Variants in FAM3B observed in about 807,000 individuals in gnomAD.
FAM3B encodes the protein protein FAM3B.
A neutral mutation model predicts 28.4 loss-of-function variants in FAM3B; 29 were observed. That is an observed-to-expected ratio of 1.02 (90% CI 0.76 to 1.39). The LOEUF (loss-of-function observed/expected upper bound fraction) is 1.39, where lower values mean the gene tolerates loss of function less well. Ranked by LOEUF, FAM3B falls within the 40% of genes most tolerant of loss-of-function variation. The pLI is 0.00. For synonymous variants in FAM3B, 91 were observed against 103.0 expected, an observed-to-expected ratio of 0.88 and a Z score of 0.71; for missense variants, 266 against 293.9, an observed-to-expected ratio of 0.91 and a Z score of 0.69.
At chr21:41,336,246 G>A (rs1568918124) in intron 2 of FAM3B, among the ~76,000 whole-genome samples, 1 of 152,198 alleles carries the variant, frequency 6.6e-6, no homozygotes, top group Non-Finnish European at 1.5e-5. Context: ...AATAGGCCAG[G>A]CATGGGGGCT....
chr21:41,329,887 A>G lies in FAM3B; in HGVS notation c.163+6821A>G, dbSNP rs117684113. On this transcript the variant is annotated intron_variant, in intron 2 of 7. Coordinates refer to ENST00000357985, the MANE Select transcript of FAM3B (RefSeq NM_058186.4). Reference sequence around the variant, plus strand: ...GCCCAGCTAGAAAGTGCTTTCTTTAAGTGAAAAGGTGAAAGCTCTTGATTT... The same window carrying G: ...GCCCAGCTAGAAAGTGCTTTCTTTAGGTGAAAAGGTGAAAGCTCTTGATTT... 7.5e-4 allele frequency among the ~76,000 whole-genome samples: 114 copies of G among 152,294 alleles called. 1 individual carries two copies. The East Asian group carries it at 0.018, about 24-fold the overall frequency.
At chr21:41,321,339 GCACCCTCTAGGCA>G (rs2088802646) in intron 1 of FAM3B, among the ~76,000 whole-genome samples, 2 of 152,178 alleles carry the variant, frequency 1.3e-5, no homozygotes, top group African/African-American at 4.8e-5. Flanking sequence ...GTAGGGGAGA[GCACCCTCTAGGCA>G]GAGATCACTC....
In FAM3B at chr21:41,336,769, T is replaced by TAC. The variant is rs150009358; in HGVS notation, c.164-1599_164-1598dup. 3.9e-5 allele frequency among the ~76,000 whole-genome samples: 6 copies of TAC among 152,318 alleles called. No individual in the cohort carries two copies. The East Asian group carries it at 9.6e-4, about 24-fold the overall frequency. ...GGTGCTCTGATGTTTGGTGCATACA[T>TAC]ACACACACACAATTGTTATGTCTTC... On this transcript the variant is annotated intron_variant, in intron 2 of 7. Coordinates refer to ENST00000357985, the MANE Select transcript of FAM3B (RefSeq NM_058186.4).
chr21:41,324,162 G>A (rs1203650347), intron 2 of FAM3B, among the ~76,000 whole-genome samples: 1 of 152,166 alleles, frequency 6.6e-6, no homozygotes, highest in East Asian at 1.9e-4. Context: ...GACACATTCA[G>A]TCCACAGCAC....
At chr21:41,335,706 G>A (rs1018420466) in intron 2 of FAM3B, among the ~76,000 whole-genome samples, 2 of 152,152 alleles carry the variant, frequency 1.3e-5, no homozygotes, top group African/African-American at 4.8e-5. Flanking sequence ...TGGGATAGCG[G>A]CCTAATATAC....
upstream of FAM3B, among the ~76,000 whole-genome samples, chr21:41,312,240 T>G (rs1454513282): frequency 6.6e-6 from 1 of 152,228 alleles, no homozygotes; most frequent in African/African-American, 2.4e-5. Context: ...AATTAATTGC[T>G]CTATCTGGCA....
At chr21:41,337,721 G>A (rs907650268) in intron 2 of FAM3B, among the ~76,000 whole-genome samples, 1 of 151,722 alleles carries the variant, frequency 6.6e-6, no homozygotes, top group African/African-American at 2.4e-5. Flanking sequence ...TATATGGTAT[G>A]GTGTGCATGC....
At chr21:41,341,621 C>A (rs747663368) in intron 3 of FAM3B, among the ~76,000 whole-genome samples, 9 of 152,246 alleles carry the variant, frequency 5.9e-5, no homozygotes, top group Non-Finnish European at 1.2e-4. Flanking sequence ...ACCAAATACT[C>A]TTTTGTGTCT....
chr21:41,336,974 G>A (rs762974605), intron 2 of FAM3B, among the ~76,000 whole-genome samples: 12 of 151,884 alleles, frequency 7.9e-5, no homozygotes, highest in Admixed American at 1.3e-4. Context: ...TAAATCTGTC[G>A]AGCTCATCTG....
At chr21:41,332,302 G>A (rs982881385) in intron 2 of FAM3B, among the ~76,000 whole-genome samples, 1 of 152,158 alleles carries the variant, frequency 6.6e-6, no homozygotes, top group African/African-American at 2.4e-5. Context: ...AGGACCATGA[G>A]CCAATTAAAC....
chr21:41,348,585 C>G lies in FAM3B; in HGVS notation c.486-7C>G. On this transcript the variant is annotated splice_region_variant and splice_polypyrimidine_tract_variant and intron_variant, in intron 6 of 7. Coordinates refer to ENST00000357985, the MANE Select transcript of FAM3B (RefSeq NM_058186.4). The stretch of plus-strand genomic sequence containing the variant: ...GATGCTCACATGCTTTTCCCTTTGT[C>G]CTGCAGACTGAATAACGATGCCAAG... The G allele has an allele frequency of 3.7e-6, 6 of 1,614,166 alleles. No individual in the cohort carries two copies. Among genetic ancestry groups the G allele is most frequent in the East Asian group, 2.2e-5 (1 of 44,882 alleles).
chr21:41,353,359 G>A (rs2089138251), intron 7 of FAM3B, among the ~76,000 whole-genome samples: 1 of 152,132 alleles, frequency 6.6e-6, no homozygotes, highest in Non-Finnish European at 1.5e-5. Flanking sequence ...AAACAGTCTT[G>A]AAAAAGAACA....
chr21:41,356,542 T>C (rs1298222942), intron 7 of FAM3B, among the ~76,000 whole-genome samples: 1 of 152,188 alleles, frequency 6.6e-6, no homozygotes, highest in Non-Finnish European at 1.5e-5. Context: ...TTTGCACCAT[T>C]GTAAAGTTAA....
chr21:41,331,512 A>T (rs920873981), intron 2 of FAM3B, among the ~76,000 whole-genome samples: 7 of 152,152 alleles, frequency 4.6e-5, no homozygotes, highest in Admixed American at 3.3e-4. Flanking sequence ...ATCATTGCCC[A>T]AACCAACATC....
At chr21:41,320,575 C>T (rs1411568310) in intron 1 of FAM3B, 2 of 152,272 alleles carry the variant, frequency 1.3e-5, no homozygotes, top group Non-Finnish European at 2.9e-5. Flanking sequence ...GACCTGAGCA[C>T]AGGCTGCTGG....
At chr21:41,348,833 G>T in intron 7 of FAM3B, 109 bp downstream of exon 7, 2 of 1,240,122 alleles carry the variant, frequency 1.6e-6, no homozygotes, top group Non-Finnish European at 2.3e-6. Context: ...TAAGAGTTGT[G>T]TCAGCTGTTT....
chr21:41,322,492 C>A, intron 1 of FAM3B: 1 of 679,444 alleles, frequency 1.5e-6, no homozygotes, highest in Non-Finnish European at 2.8e-6. Context: ...ACAAAACAGA[C>A]AGAGCTTTAC....
intron 1 of FAM3B, among the ~76,000 whole-genome samples, chr21:41,319,184 C>G (rs77492217): frequency 0.029 from 4,365 of 152,260 alleles, 195 homozygotes; most frequent in African/African-American, 0.099. Flanking sequence ...GTGTAAGCCA[C>G]TGCACCCAGC....
At position 41,331,209 on chromosome 21, in the gene FAM3B, C is replaced by T. The variant is rs566660198; in HGVS notation, c.164-7169C>T. 2.0e-5 allele frequency among the ~76,000 whole-genome samples: 3 copies of T among 152,228 alleles called. No homozygotes were observed. The East Asian group carries it at 5.8e-4, about 29-fold the overall frequency. ...GTAATATTGAACATGTTTTCATATA[C>T]GTTTTAGTTATTTGTATGTCTTCTT... On this transcript the variant is annotated intron_variant, in intron 2 of 7. Transcript: ENST00000357985.
Sources: allele counts gnomAD v4.1 joint callset (sites outside exome capture counted in the v4.1 genomes callset), GRCh38; gene constraint gnomAD v4.1.1; transcripts MANE v1.5; gene names NCBI Gene and HGNC (gene_info 2026-07-23, HGNC 2026-07-21).